Variants in CCDC85A observed in about 807,000 individuals in gnomAD.
CCDC85A encodes coiled-coil domain containing 85A, also known as coiled-coil domain-containing protein 85A.
CCDC85A carries 38 observed loss-of-function variants against 50.2 expected under a neutral mutation model. The observed-to-expected ratio is 0.76, with a 90% CI of 0.58 to 0.99. CCDC85A has a LOEUF of 0.99. Among genes scored for constraint, CCDC85A ranks in the 50% least tolerant of loss-of-function variants. The pLI, the probability that CCDC85A is intolerant of heterozygous loss-of-function variation, is 0.00. For synonymous variants in CCDC85A, 366 were observed against 301.4 expected (o/e 1.21, Z -2.22); for missense variants, 820 against 742.0 (o/e 1.11, Z -1.22).
chr2:56,198,367 A>G lies in CCDC85A; in HGVS notation c.1240+4927A>G, dbSNP rs567352909. Among the ~76,000 whole-genome samples, 3 of 152,370 alleles carry G rather than the reference A, an allele frequency of 2.0e-5. No individual in the cohort carries two copies. The East Asian group carries it at 5.8e-4, about 29-fold the overall frequency. On this transcript the variant is annotated intron_variant, in intron 2 of 5. Transcript: ENST00000407595. ...GGAACACCAGAACTGATTTTAATTC[A>G]GGCCCTCTGTGTGTATTTCTGTTGT...
intron 2 of CCDC85A, among the ~76,000 whole-genome samples, chr2:56,252,946 G>T (rs375374660): frequency 2.0e-5 from 3 of 152,114 alleles, no homozygotes; most frequent in African/African-American, 7.2e-5. Flanking sequence ...TTGAACTGGG[G>T]AGGCGGAGGT....
chr2:56,384,349 A>G lies in CCDC85A; in HGVS notation c.1656A>G (p.Pro552=), dbSNP rs747745136. The stretch of plus-strand genomic sequence containing the variant: ...TGTCAGGAAACCAGTACAAAGGACC[A>G]ATGTGAGATGCACTCTTTTTCAAAC... ...QHLSGNQYKG[P]M The change falls in exon 6 of 6, where the codon CCA becomes CCG. Residue 552 remains proline, a synonymous_variant. Coordinates refer to ENST00000407595, the MANE Select transcript of CCDC85A (RefSeq NM_001080433.2). 6.6e-5 allele frequency: 107 copies of G among 1,610,566 alleles called. No individual in the cohort carries two copies. The highest frequency in any genetic ancestry group is 9.0e-5 in the Non-Finnish European group (106 of 1,177,570).
chr2:56,307,771 C>T (rs996470300), intron 2 of CCDC85A, among the ~76,000 whole-genome samples: 4 of 152,102 alleles, frequency 2.6e-5, no homozygotes, highest in African/African-American at 4.8e-5. Context: ...CTTTAAAATT[C>T]GTGTCTTTTT....
chr2:56,292,040 A>G (rs143814451), intron 2 of CCDC85A, among the ~76,000 whole-genome samples: 2 of 152,128 alleles, frequency 1.3e-5, no homozygotes, highest in Non-Finnish European at 2.9e-5. Context: ...AAAAACATTT[A>G]TTATTGCATC....
chr2:56,275,366 C>T (rs1429280869), intron 2 of CCDC85A, among the ~76,000 whole-genome samples: 1 of 152,134 alleles, frequency 6.6e-6, no homozygotes, highest in Non-Finnish European at 1.5e-5. Context: ...AGTACAGTAG[C>T]TCAGTATAGC....
rs551122419 is a variant in CCDC85A, at chr2:56,203,039, G to C, written c.1240+9599G>C. ...CAGTTTTTGAGGGGGATGCTGTGAA[G>C]AATTTAAAGGAATCTGTTTGGTTGT... On this transcript the variant is annotated intron_variant, in intron 2 of 5. Transcript: ENST00000407595. Among the ~76,000 whole-genome samples, 137 of 152,290 alleles carry C rather than the reference G, an allele frequency of 9.0e-4. 2 individuals carry two copies. The highest frequency in any genetic ancestry group is 3.2e-3 in the African/African-American group (135 of 41,570).
chr2:56,189,121 T>G (rs1412931052), intron 1 of CCDC85A, among the ~76,000 whole-genome samples: 1 of 152,128 alleles, frequency 6.6e-6, no homozygotes, highest in Non-Finnish European at 1.5e-5. Flanking sequence ...GATGATATTT[T>G]CTAGTTGGAA....
intron 2 of CCDC85A, among the ~76,000 whole-genome samples, chr2:56,252,672 C>G (rs1426948484): frequency 1.3e-5 from 2 of 152,130 alleles, no homozygotes; most frequent in Non-Finnish European, 2.9e-5. Context: ...AGGTATTTCT[C>G]CTAATGTTAT....
chr2:56,344,258 C>G (rs1419680874), intron 3 of CCDC85A, among the ~76,000 whole-genome samples: 1 of 152,140 alleles, frequency 6.6e-6, no homozygotes, highest in Non-Finnish European at 1.5e-5. Context: ...TAGTAAAGTA[C>G]TATTAAATAC....
chr2:56,372,330 G>A lies in CCDC85A; in HGVS notation c.1318-14G>A. ...TTTTTCTGAGTGATTGTACCATATT[G>A]TTCCAAATATAAGGCCAGCCAGAAT... On this transcript the variant is annotated splice_polypyrimidine_tract_variant and intron_variant, in intron 3 of 5. Coordinates refer to ENST00000407595, the MANE Select transcript of CCDC85A (RefSeq NM_001080433.2). The A allele has an allele frequency of 1.9e-6, 3 of 1,556,028 alleles. No homozygotes were observed. Among genetic ancestry groups the A allele is most frequent in the Non-Finnish European group, 2.6e-6 (3 of 1,149,722 alleles).
intron 2 of CCDC85A, among the ~76,000 whole-genome samples, chr2:56,219,692 G>A (rs890382729): frequency 3.3e-5 from 5 of 151,840 alleles, no homozygotes; most frequent in African/African-American, 1.2e-4. Flanking sequence ...AAGAAAGTGA[G>A]TGTACAATGT....
chr2:56,220,976 G>A (rs897349816), intron 2 of CCDC85A, among the ~76,000 whole-genome samples: 13 of 151,976 alleles, frequency 8.6e-5, no homozygotes, highest in African/African-American at 2.4e-4. Flanking sequence ...CCTGCTCCCC[G>A]TCAGTACCAC....
intron 2 of CCDC85A, among the ~76,000 whole-genome samples, chr2:56,216,880 T>C (rs1668073244): frequency 6.6e-6 from 1 of 151,978 alleles, no homozygotes; most frequent in African/African-American, 2.4e-5. Flanking sequence ...CTTTTGCTCA[T>C]GGGGCCAAGG....
At chr2:56,267,893 A>G (rs1473990703) in intron 2 of CCDC85A, among the ~76,000 whole-genome samples, 2 of 152,202 alleles carry the variant, frequency 1.3e-5, no homozygotes, top group African/African-American at 4.8e-5. Context: ...GTTAGACCTC[A>G]TTATGTTTGG....
At chr2:56,262,158 A>G (rs897873211) in intron 2 of CCDC85A, among the ~76,000 whole-genome samples, 4 of 152,098 alleles carry the variant, frequency 2.6e-5, no homozygotes, top group African/African-American at 9.7e-5. Context: ...GGGAAGATTC[A>G]GTCTCCTGTG....
At chr2:56,357,911 G>A (rs1476055384) in intron 3 of CCDC85A, among the ~76,000 whole-genome samples, 1 of 152,004 alleles carries the variant, frequency 6.6e-6, no homozygotes, top group African/African-American at 2.4e-5. Flanking sequence ...GTATCAGCTG[G>A]AGTCCTGGAT....
intron 2 of CCDC85A, among the ~76,000 whole-genome samples, chr2:56,291,491 C>T (rs373269910): frequency 1.3e-5 from 2 of 152,134 alleles, no homozygotes; most frequent in South Asian, 2.1e-4. Context: ...ATGGCTAAGG[C>T]GATTGGAAAA....
intron 3 of CCDC85A, among the ~76,000 whole-genome samples, chr2:56,349,654 A>G (rs892820065): frequency 4.6e-5 from 7 of 152,168 alleles, no homozygotes; most frequent in Non-Finnish European, 1.0e-4. Flanking sequence ...ATGAGAGAAT[A>G]TAGGTGAAAG....
At chr2:56,211,393 C>T (rs976727321) in intron 2 of CCDC85A, among the ~76,000 whole-genome samples, 3 of 151,938 alleles carry the variant, frequency 2.0e-5, no homozygotes, top group African/African-American at 7.3e-5. Context: ...TGGTTATGTG[C>T]ATTTCCTCCT....
Sources: gnomAD v4.1 joint callset for allele counts (sites outside exome capture counted in the v4.1 genomes callset) on GRCh38, gnomAD v4.1.1 for gene constraint, MANE v1.5 for transcripts, NCBI Gene and HGNC (gene_info 2026-07-23, HGNC 2026-07-21) for gene names.